Variants in MGAM observed in about 807,000 individuals in gnomAD.
MGAM encodes the protein alpha-1,4-glucosidase.
Under a neutral mutation model 358.8 loss-of-function variants are expected in MGAM, and 253 were observed. The ratio of observed to expected loss-of-function variants is 0.71; its 90% confidence interval spans 0.64 to 0.78. The LOEUF (loss-of-function observed/expected upper bound fraction) is 0.78, where lower values mean the gene tolerates loss of function less well. Among genes scored for constraint, MGAM ranks in the 30% least tolerant of loss-of-function variants. The pLI, the probability that MGAM is intolerant of heterozygous loss-of-function variation, is 0.00. For synonymous variants in MGAM, 1,105 were observed against 1,227.1 expected (o/e 0.90, Z 2.08); for missense variants, 3,080 against 3,432.6 (o/e 0.90, Z 2.57).
intron 14 of MGAM, among the ~76,000 whole-genome samples, chr7:142,033,415 C>T (rs1807689472): frequency 1.3e-5 from 2 of 152,176 alleles, no homozygotes; most frequent in Non-Finnish European, 2.9e-5. Context: ...AACACTATCT[C>T]TCAGGGTGTG....
At chr7:142,045,105 T>TATC (rs1809895188) in intron 21 of MGAM, among the ~76,000 whole-genome samples, 2 of 66,922 alleles carry the variant, frequency 3.0e-5, no homozygotes, top group South Asian at 4.5e-4. Context: ...GTATATTATA[T>TATC]ATACGTGCAA....
intron 43 of MGAM, 79 bp from the exon 44 acceptor site, chr7:142,070,915 T>G: frequency 1.2e-3 from 1,717 of 1,464,942 alleles, no homozygotes; most frequent in Non-Finnish European, 1.5e-3. Flanking sequence ...GAGGGGAGGA[T>G]GAGATGTCTG....
intron 2 of MGAM, among the ~76,000 whole-genome samples, chr7:142,007,621 ATTAT>A (rs1805275994): frequency 6.6e-6 from 1 of 152,174 alleles, no homozygotes; most frequent in African/African-American, 2.4e-5. Context: ...TCTTAATGTC[ATTAT>A]TAATTTATTG....
Position 142,074,108 on chromosome 7 carries a change from T to G in MGAM, c.5210T>G (p.Ile1737Ser), listed in dbSNP as rs751846935. Residue 1737 changes from isoleucine to serine, a missense_variant, in exon 45 of 71, where the codon ATT becomes AGT. Ile to Ser is a moderately radical substitution (Grantham distance 142, BLOSUM62 -2). Transcript: ENST00000475668. ...HLSRKNPLGLIIALDENKEAK... is the reference protein window; with the variant it reads ...HLSRKNPLGLSIALDENKEAK... Reference sequence around the variant, plus strand: ...AGTCGAAAGAACCCTCTTGGTCTTATTATTGCCCTAGATGAAAACAAAGAA... The same window carrying G: ...AGTCGAAAGAACCCTCTTGGTCTTAGTATTGCCCTAGATGAAAACAAAGAA... 1 of 1,544,530 alleles carries G rather than the reference T, an allele frequency of 6.5e-7. No individual in the cohort carries two copies.
At chr7:142,035,357 T>C (rs1563135933) in intron 16 of MGAM, among the ~76,000 whole-genome samples, 1 of 152,086 alleles carries the variant, frequency 6.6e-6, no homozygotes, top group Non-Finnish European at 1.5e-5. Flanking sequence ...GTTTACAGTT[T>C]AGTAAGAGGA....
chr7:142,005,421 G>A, intron 1 of MGAM, 108 bp from the exon 2 acceptor site: 1 of 728,270 alleles, frequency 1.4e-6, no homozygotes, highest in Non-Finnish European at 2.1e-6. Context: ...ATGCTTGGGA[G>A]GCTTGTTATA....
At chr7:142,044,756 A>ATG (rs1563155294) in intron 21 of MGAM, among the ~76,000 whole-genome samples, 1 of 92,798 alleles carries the variant, frequency 1.1e-5, no homozygotes, top group East Asian at 2.5e-4. Context: ...GTAATATATG[A>ATG]TATATAATGT....
At chr7:142,092,700 C>T (rs182021288) in intron 59 of MGAM, 92 bp downstream of exon 59, 1 of 1,151,764 alleles carries the variant, frequency 8.7e-7, no homozygotes, top group South Asian at 1.4e-5. Flanking sequence ...CCGCACAGCT[C>T]AGGGCACATC....
At chr7:142,088,751 AT>A (rs1563214112) in intron 57 of MGAM, among the ~76,000 whole-genome samples, 4 of 27,330 alleles carry the variant, frequency 1.5e-4, no homozygotes, top group Admixed American at 1.4e-3. Flanking sequence ...CTGTCTGTCT[AT>A]CTATCTATCT....
At chr7:142,026,506 G>T (rs1554461000) in intron 8 of MGAM, among the ~76,000 whole-genome samples, 2 of 152,070 alleles carry the variant, frequency 1.3e-5, no homozygotes, top group African/African-American at 4.8e-5. Flanking sequence ...TAGAACTTGG[G>T]GCTTCTATAC....
At position 142,090,306 on chromosome 7, in the gene MGAM, C is replaced by G. The variant is rs184020018; in HGVS notation, c.6811-1607C>G. On this transcript the variant is annotated intron_variant, in intron 57 of 70. Coordinates refer to ENST00000475668, the MANE Select transcript of MGAM (RefSeq NM_001365693.1). Reference sequence around the variant, plus strand: ...CACCACGTGTACCCCATATGGGATACAATTCTGACTCAGCTGTGGCTGATA... The same window carrying G: ...CACCACGTGTACCCCATATGGGATAGAATTCTGACTCAGCTGTGGCTGATA... Among the ~76,000 whole-genome samples the G allele has an allele frequency of 5.0e-4, 73 of 145,854 alleles. 7 individuals are homozygous for G. Among genetic ancestry groups the G allele is most frequent in the South Asian group, 8.8e-4 (4 of 4,540 alleles).
Position 142,080,347 on chromosome 7 carries a change from A to C in MGAM, c.5848-444A>C, listed in dbSNP as rs1563203713. On this transcript the variant is annotated intron_variant, in intron 49 of 70. Coordinates refer to ENST00000475668, the MANE Select transcript of MGAM (RefSeq NM_001365693.1). ...CTTGTGCAGTGTCAGGCAGGGATGT[A>C]GTAGGTACTCATGAATCAGTTTAGA... is the stretch of plus-strand genomic sequence containing the variant. Among the ~76,000 whole-genome samples the C allele has an allele frequency of 2.0e-5, 3 of 146,644 alleles. No homozygotes were observed. In the East Asian group the frequency reaches 6.0e-4, roughly 29 times the overall value.
intron 3 of MGAM, among the ~76,000 whole-genome samples, chr7:142,018,456 G>A (rs941127078): frequency 3.3e-5 from 5 of 152,182 alleles, no homozygotes; most frequent in African/African-American, 1.2e-4. Context: ...GCGTCTCATT[G>A]TTTTCTCTTG....
chr7:142,076,693 A>G lies in MGAM; in HGVS notation c.5360A>G (p.Tyr1787Cys). Residue 1787 changes from tyrosine to cysteine, a missense_variant, in exon 47 of 71, where the codon TAC becomes TGC. Tyr to Cys is a radical substitution (Grantham distance 194, BLOSUM62 -2). Transcript: ENST00000475668. The stretch of plus-strand genomic sequence containing the variant: ...GAGGTGACTATTTCACAATCAACCT[A>G]CAAGGACCCCAATAATTTAGCATTC... The part of the protein sequence containing the change: ...HLEVTISQST[Y>C]KDPNNLAFNE... 7 of 1,551,366 alleles carry G rather than the reference A, an allele frequency of 4.5e-6. 1 individual carries two copies. The highest frequency in any genetic ancestry group is 6.2e-6 in the Non-Finnish European group (7 of 1,128,618).
chr7:141,997,024 TA>T (rs1250088551), intron 1 of MGAM, among the ~76,000 whole-genome samples: 1 of 151,724 alleles, frequency 6.6e-6, no homozygotes, highest in Non-Finnish European at 1.5e-5. Context: ...AAATAAAACT[TA>T]AAAAAAGTTG....
At chr7:142,049,553 T>G (rs1810734471) in intron 22 of MGAM, among the ~76,000 whole-genome samples, 1 of 152,024 alleles carries the variant, frequency 6.6e-6, no homozygotes, top group Non-Finnish European at 1.5e-5. Context: ...ACCATGTATC[T>G]CAGAAGAGAT....
chr7:142,056,265 A>T (rs567212536), intron 29 of MGAM, among the ~76,000 whole-genome samples, 169 bp downstream of exon 29: 1 of 152,266 alleles, frequency 6.6e-6, no homozygotes, highest in East Asian at 1.9e-4. Context: ...ATCTAATATC[A>T]TGTAATAAGA....
chr7:142,104,390 G>A (rs934881406), intron 70 of MGAM, among the ~76,000 whole-genome samples: 1 of 152,016 alleles, frequency 6.6e-6, no homozygotes, highest in Non-Finnish European at 1.5e-5. Context: ...ATATTAAACT[G>A]TTTTATTATT....
At chr7:142,090,121 C>G (rs1473842290) in intron 57 of MGAM, among the ~76,000 whole-genome samples, 3 of 145,932 alleles carry the variant, frequency 2.1e-5, no homozygotes, top group Non-Finnish European at 3.1e-5. Flanking sequence ...TGTTTGAAGA[C>G]TGGAGAAAGT....
Sources: gnomAD v4.1 joint callset for allele counts (sites outside exome capture counted in the v4.1 genomes callset) on GRCh38, gnomAD v4.1.1 for gene constraint, MANE v1.5 for transcripts, NCBI Gene and HGNC (gene_info 2026-07-23, HGNC 2026-07-21) for gene names.